Variants in ACSBG1 observed in about 807,000 individuals in gnomAD.
The protein encoded by ACSBG1 is acyl-CoA synthetase bubblegum family member 1.
In ACSBG1, 39 loss-of-function variants were observed where a neutral mutation model predicts 80.2. The ratio of observed to expected loss-of-function variants is 0.49; its 90% CI spans 0.38 to 0.64. The LOEUF (loss-of-function observed/expected upper bound fraction) is 0.64, where lower values mean the gene tolerates loss of function less well. Among genes scored for constraint, ACSBG1 ranks in the 30% least tolerant of loss-of-function variants. The pLI is 0.00. For synonymous variants in ACSBG1, 392 were observed against 379.5 expected, an observed-to-expected ratio of 1.03 and a Z score of -0.38; for missense variants, 828 against 966.4, an observed-to-expected ratio of 0.86 and a Z score of 1.90.
intron 12 of ACSBG1, 88 bp downstream of exon 12, chr15:78,174,297 T>C: frequency 6.4e-7 from 1 of 1,558,060 alleles, no homozygotes; most frequent in South Asian, 1.1e-5. Context: ...GATCTGGATG[T>C]GCCCTGTGCT....
In ACSBG1 at chr15:78,171,530, C is replaced by G; in HGVS notation, c.2090-1G>C. On this transcript the variant is annotated splice_acceptor_variant, in intron 13 of 13. Transcript: ENST00000258873. LOFTEE classifies it high-confidence loss of function. ...AGCCGTTTCAGTTTCATCGTGGGAC[C>G]TAAAAGGGAAATGAGAAGAAATGAG... 6.2e-7 allele frequency: 1 copy of G among 1,613,786 alleles called. No homozygotes were observed. Among genetic ancestry groups the G allele is most frequent in the Non-Finnish European group, 8.5e-7 (1 of 1,179,738 alleles).
At chr15:78,197,477 G>A (rs1414102290) in intron 2 of ACSBG1, among the ~76,000 whole-genome samples, 2 of 152,124 alleles carry the variant, frequency 1.3e-5, no homozygotes, top group Non-Finnish European at 2.9e-5. Flanking sequence ...CTAGCACTTT[G>A]GGAGGCCAAA....
chr15:78,194,181 C>T (rs1012702410), intron 3 of ACSBG1, among the ~76,000 whole-genome samples, 161 bp from the exon 4 acceptor site: 4 of 152,166 alleles, frequency 2.6e-5, no homozygotes, highest in Admixed American at 2.6e-4. Context: ...GTTGGTCACT[C>T]AACAGCCCTC....
At chr15:78,209,294 G>A in intron 1 of ACSBG1, 1 of 454,844 alleles carries the variant, frequency 2.2e-6, no homozygotes, top group South Asian at 1.5e-5. Flanking sequence ...GTTATGAAGG[G>A]AGGGGGACGG....
intron 2 of ACSBG1, among the ~76,000 whole-genome samples, chr15:78,195,933 T>C (rs957521397): frequency 2.0e-5 from 3 of 152,090 alleles, no homozygotes; most frequent in African/African-American, 7.2e-5. Context: ...TTGACACTCT[T>C]AGGTTGCATG....
At chr15:78,219,917 A>G (rs1463968490) in intron 1 of ACSBG1, among the ~76,000 whole-genome samples, 1 of 152,208 alleles carries the variant, frequency 6.6e-6, no homozygotes, top group Non-Finnish European at 1.5e-5. Flanking sequence ...CTGGAGGCGG[A>G]GCTTGCAGTG....
At chr15:78,183,715 T>C (rs550495823) in intron 5 of ACSBG1, among the ~76,000 whole-genome samples, 1 of 152,256 alleles carries the variant, frequency 6.6e-6, no homozygotes, top group East Asian at 1.9e-4. Context: ...TTTGGAATCA[T>C]GTAAATGTCT....
chr15:78,213,773 C>G (rs547556938), intron 1 of ACSBG1: 1 of 152,372 alleles, frequency 6.6e-6, no homozygotes, highest in South Asian at 2.1e-4. Flanking sequence ...CAGGGCTGGG[C>G]GAGAAGCTCG....
At position 78,229,404 on chromosome 15, in the gene ACSBG1, C is replaced by T. The variant is rs1038803455; in HGVS notation, c.131+4967G>A. On this transcript the variant is annotated intron_variant, in intron 1 of 13. Transcript: ENST00000258873. The stretch of plus-strand genomic sequence containing the variant: ...AGCCCAGATAGTCCATGTTTAAGGA[C>T]ACTTGTGTTCTTTCAGTGACATTCG... Among the ~76,000 whole-genome samples the T allele has an allele frequency of 2.0e-5, 3 of 152,182 alleles. No individual in the cohort carries two copies. In the East Asian group the frequency reaches 5.8e-4, roughly 29 times the overall value.
intron 5 of ACSBG1, among the ~76,000 whole-genome samples, chr15:78,187,471 C>A (rs1040886203): frequency 5.9e-5 from 9 of 152,186 alleles, no homozygotes; most frequent in African/African-American, 2.2e-4. Context: ...AAAAGCTTAT[C>A]CACCATGATC....
At chr15:78,196,453 C>T (rs1010882325) in intron 2 of ACSBG1, among the ~76,000 whole-genome samples, 6 of 152,214 alleles carry the variant, frequency 3.9e-5, no homozygotes, top group African/African-American at 1.2e-4. Context: ...ATCTTCATCA[C>T]CTGCAAATGT....
chr15:78,215,109 G>A (rs2075296723), intron 1 of ACSBG1, among the ~76,000 whole-genome samples: 2 of 152,020 alleles, frequency 1.3e-5, no homozygotes, highest in Non-Finnish European at 1.5e-5. Flanking sequence ...GACTTCGGAA[G>A]CCCATGCTAT....
chr15:78,189,025 C>T (rs1471301865), intron 5 of ACSBG1, among the ~76,000 whole-genome samples: 1 of 151,630 alleles, frequency 6.6e-6, no homozygotes, highest in African/African-American at 2.4e-5. Context: ...TGAACAGACA[C>T]TTCTCAAAAG....
chr15:78,211,457 A>C (rs539466666), intron 1 of ACSBG1, among the ~76,000 whole-genome samples: 1 of 152,364 alleles, frequency 6.6e-6, no homozygotes, highest in Non-Finnish European at 1.5e-5. Flanking sequence ...AGGAGGAAGA[A>C]GAGCTTACAA....
At chr15:78,197,276 A>G (rs569859854) in intron 2 of ACSBG1, among the ~76,000 whole-genome samples, 3 of 152,210 alleles carry the variant, frequency 2.0e-5, no homozygotes, top group Middle Eastern at 3.4e-3. Context: ...TAGGCACAAG[A>G]GATCTTTTTG....
intron 5 of ACSBG1, among the ~76,000 whole-genome samples, chr15:78,187,155 C>G (rs928351098): frequency 1.3e-5 from 2 of 151,978 alleles, no homozygotes; most frequent in Non-Finnish European, 2.9e-5. Flanking sequence ...AGACCAATAA[C>G]AGGCTCTGAA....
chr15:78,221,930 C>T (rs2075362707), intron 1 of ACSBG1, among the ~76,000 whole-genome samples: 1 of 152,174 alleles, frequency 6.6e-6, no homozygotes, highest in African/African-American at 2.4e-5. Flanking sequence ...AGATTAACAG[C>T]ATCTCAAAGC....
In ACSBG1 at chr15:78,177,536, G is replaced by A. The variant is rs1007543054; in HGVS notation, c.1702+1078C>T. Among the ~76,000 whole-genome samples, 3 of 152,054 alleles carry A rather than the reference G, an allele frequency of 2.0e-5. No individual in the cohort carries two copies. The highest frequency in any genetic ancestry group is 3.9e-4 in the East Asian group (2 of 5,184). On this transcript the variant is annotated intron_variant, in intron 11 of 13. Transcript: ENST00000258873. The surrounding 1 kb of genome is among the most constrained non-coding windows in gnomAD (Gnocchi z 4.1). ...ATGCAGGGATGTGGGTCCCCTCATC[G>A]GCCATTACAAAGAGGCACACTAGGC...
At position 78,170,900 on chromosome 15, in the gene ACSBG1, C is replaced by G. The variant is rs1030298319; in HGVS notation, c.*544G>C. 19 of 153,188 alleles carry G rather than the reference C, an allele frequency of 1.2e-4. No homozygotes were observed. Among genetic ancestry groups the G allele is most frequent in the African/African-American group, 4.6e-4 (19 of 41,464 alleles). The allele number at this position is 153,188 out of a possible 1,614,324, so 9.5% of individuals were successfully genotyped here. ...AAATTATACATTAAATAGAATCAAA[C>G]AGGCAGCAGCAGTTTTATTAAGCAT... is the stretch of plus-strand genomic sequence containing the variant. On this transcript the variant is annotated 3_prime_UTR_variant, in exon 14 of 14. Transcript: ENST00000258873.
Sources: gnomAD v4.1 joint callset for allele counts (sites outside exome capture counted in the v4.1 genomes callset) on GRCh38, gnomAD v4.1.1 for gene constraint, Gnocchi (gnomAD v3.1) non-coding constraint, MANE v1.5 for transcripts, NCBI Gene and HGNC (gene_info 2026-07-23, HGNC 2026-07-21) for gene names.